The following KCNJ15 variants were observed in gnomAD, a reference collection of about 807,000 sequenced individuals.
The protein encoded by KCNJ15 is ATP-sensitive inward rectifier potassium channel 15.
KCNJ15 carries 14 observed loss-of-function variants against 23.0 expected under a neutral mutation model. That is an observed-to-expected ratio of 0.61 (90% CI 0.40 to 0.95). KCNJ15 has a LOEUF of 0.95. Among genes scored for constraint, KCNJ15 ranks in the 40% least tolerant of loss-of-function variants. The pLI is 0.00. For synonymous variants in KCNJ15, 185 were observed against 183.2 expected (o/e 1.01, Z -0.08); for missense variants, 388 against 461.8 (o/e 0.84, Z 1.46).
At chr21:38,295,455 G>C (rs888161446) in intron 1 of KCNJ15, among the ~76,000 whole-genome samples, 5 of 151,556 alleles carry the variant, frequency 3.3e-5, no homozygotes, top group Admixed American at 2.0e-4. Flanking sequence ...CAATTTTTAT[G>C]TTTTACTTTC....
At chr21:38,266,610 A>G (rs1054099657) in intron 1 of KCNJ15, among the ~76,000 whole-genome samples, 4 of 152,212 alleles carry the variant, frequency 2.6e-5, no homozygotes, top group Non-Finnish European at 5.9e-5. Context: ...CAGTGCTGCA[A>G]TAAGCATATG....
chr21:38,277,980 C>T lies in KCNJ15; in HGVS notation c.-116-18946C>T, dbSNP rs114233380. ...AAAGGTGGACATGGCCCAACCCCTG[C>T]CCTCAAAGAACTTCTAGGGAACACT... is the stretch of plus-strand genomic sequence containing the variant. On this transcript the variant is annotated intron_variant, in intron 1 of 2. Transcript: ENST00000398938. 7.7e-3 allele frequency among the ~76,000 whole-genome samples: 1,176 copies of T among 152,292 alleles called. 18 individuals are homozygous for T. Among genetic ancestry groups the T allele is most frequent in the African/African-American group, 0.026 (1,098 of 41,560 alleles).
Position 38,300,210 on chromosome 21 carries a change from C to G in KCNJ15, c.949C>G (p.Leu317Val), listed in dbSNP as rs930728785. The G allele has an allele frequency of 2.3e-5, 37 of 1,614,180 alleles. No homozygotes were observed. The highest frequency in any genetic ancestry group is 2.9e-5 in the Non-Finnish European group (34 of 1,180,038). Residue 317 changes from leucine to valine, a missense_variant, in exon 3 of 3, where the codon CTC (leucine) becomes GTC (valine). Physicochemically the swap from Leu to Val is conservative, Grantham distance 32. Coordinates refer to ENST00000398938, the MANE Select transcript of KCNJ15 (RefSeq NM_170736.3). The stretch of plus-strand genomic sequence containing the variant: ...TTTTGAGTTTGTGCCTGTGGTATCT[C>G]TCTCCAAAAATGGAAAATATGTGGC... ...WGFEFVPVVS[L>V]SKNGKYVADF...
chr21:38,248,198 C>T (rs1979585689), intron 1 of KCNJ15, among the ~76,000 whole-genome samples: 1 of 152,176 alleles, frequency 6.6e-6, no homozygotes, highest in African/African-American at 2.4e-5. Flanking sequence ...AGCACTTCAT[C>T]AACAAATGAA....
At chr21:38,246,204 T>C (rs1979363927) in intron 1 of KCNJ15, among the ~76,000 whole-genome samples, 1 of 152,200 alleles carries the variant, frequency 6.6e-6, no homozygotes, top group African/African-American at 2.4e-5. Flanking sequence ...CTAAAACGAA[T>C]CATGTATCTA....
At chr21:38,233,981 A>G (rs956002734) in intron 1 of KCNJ15, among the ~76,000 whole-genome samples, 4 of 152,324 alleles carry the variant, frequency 2.6e-5, no homozygotes, top group Admixed American at 1.3e-4. Flanking sequence ...AATTTCTTTC[A>G]TTAATCTTCT....
intron 1 of KCNJ15, among the ~76,000 whole-genome samples, chr21:38,292,873 G>T (rs1425985897): frequency 6.6e-6 from 1 of 151,514 alleles, no homozygotes; most frequent in Non-Finnish European, 1.5e-5. Context: ...GAAGGCTGAG[G>T]CAGGAGAGTC....
intron 1 of KCNJ15, among the ~76,000 whole-genome samples, chr21:38,294,032 C>T (rs781573419): frequency 2.0e-5 from 3 of 152,192 alleles, no homozygotes; most frequent in African/African-American, 2.4e-5. Flanking sequence ...TGACCACAGT[C>T]GAGGGAGCCC....
intron 1 of KCNJ15, chr21:38,238,498 T>C (rs763233301): frequency 2.3e-5 from 15 of 649,664 alleles, no homozygotes; most frequent in Non-Finnish European, 3.5e-5. Flanking sequence ...GGTCTGCTGC[T>C]GGGCTGAGAG....
At chr21:38,256,265 C>G (rs187501282), upstream of KCNJ15, among the ~76,000 whole-genome samples, 6 of 151,552 alleles carry the variant, frequency 4.0e-5, no homozygotes, top group East Asian at 9.7e-4. Flanking sequence ...AGATGCCAGA[C>G]TATGCAAGAA....
At chr21:38,262,770 C>T (rs1981048262) in intron 1 of KCNJ15, among the ~76,000 whole-genome samples, 1 of 151,854 alleles carries the variant, frequency 6.6e-6, no homozygotes, top group Non-Finnish European at 1.5e-5. Context: ...CCTCCACCTC[C>T]CGGGTTCAAA....
chr21:38,249,981 A>C (rs1404280979), intron 1 of KCNJ15, among the ~76,000 whole-genome samples: 3 of 152,166 alleles, frequency 2.0e-5, no homozygotes, highest in Admixed American at 2.0e-4. Flanking sequence ...AATAGTCAAG[A>C]GTTTGAGTTC....
At chr21:38,269,412 C>T (rs1049272578) in intron 1 of KCNJ15, among the ~76,000 whole-genome samples, 1 of 152,160 alleles carries the variant, frequency 6.6e-6, no homozygotes, top group African/African-American at 2.4e-5. Context: ...GGGTTTGCCT[C>T]TATGAACAAC....
At chr21:38,261,404 G>T (rs562256353) in intron 1 of KCNJ15, among the ~76,000 whole-genome samples, 1 of 152,196 alleles carries the variant, frequency 6.6e-6, no homozygotes, top group South Asian at 2.1e-4. Context: ...TCCACTCTGT[G>T]TCATACATAG....
intron 1 of KCNJ15, among the ~76,000 whole-genome samples, chr21:38,248,993 A>G (rs983058332): frequency 6.6e-6 from 1 of 152,186 alleles, no homozygotes; most frequent in Admixed American, 6.5e-5. Flanking sequence ...CGCTTGCCTC[A>G]GATCATTGAG....
At chr21:38,241,659 A>G (rs1978999706) in intron 1 of KCNJ15, among the ~76,000 whole-genome samples, 1 of 152,186 alleles carries the variant, frequency 6.6e-6, no homozygotes, top group Non-Finnish European at 1.5e-5. Flanking sequence ...ATTTTAGTCT[A>G]AATTGTTTAA....
rs940173272 is a variant in KCNJ15, at chr21:38,303,350, G to A, written c.*2961G>A. 1 of 151,932 alleles carries A rather than the reference G, an allele frequency of 6.6e-6. No individual in the cohort carries two copies. Among genetic ancestry groups the A allele is most frequent in the Non-Finnish European group, 1.5e-5 (1 of 67,966 alleles). The allele number at this position is 151,932 out of a possible 1,614,324, so 9.4% of individuals were successfully genotyped here. A position where few individuals can be genotyped will look rare whatever the true frequency, so the allele number is the denominator to read the frequency against. Reference sequence around the variant, plus strand: ...TTTTGAATTTTGAAACATTTCTAATGTGTTAGGTTTTCTCAATGAGACCAT... The same window carrying A: ...TTTTGAATTTTGAAACATTTCTAATATGTTAGGTTTTCTCAATGAGACCAT... On this transcript the variant is annotated 3_prime_UTR_variant, in exon 3 of 3. Transcript: ENST00000398938.
chr21:38,244,072 G>A (rs1979196197), intron 1 of KCNJ15, among the ~76,000 whole-genome samples: 1 of 151,978 alleles, frequency 6.6e-6, no homozygotes, highest in Non-Finnish European at 1.5e-5. Flanking sequence ...ATTATATAAG[G>A]CTTGACCCAC....
intron 1 of KCNJ15, among the ~76,000 whole-genome samples, chr21:38,281,189 C>T (rs1242344349): frequency 6.6e-6 from 1 of 152,146 alleles, no homozygotes; most frequent in Non-Finnish European, 1.5e-5. Context: ...AAATTATAGC[C>T]TCTCGCAGCA....
Sources: allele counts gnomAD v4.1 joint callset (sites outside exome capture counted in the v4.1 genomes callset), GRCh38; gene constraint gnomAD v4.1.1; transcripts MANE v1.5; gene names NCBI Gene and HGNC (gene_info 2026-07-23, HGNC 2026-07-21).